MDM1: variants seen among roughly 807,000 people sequenced by gnomAD.
MDM1 encodes the protein stabilizer of axonemal microtubules 6.
A neutral mutation model predicts 89.1 loss-of-function variants in MDM1; 61 were observed. That is an observed-to-expected ratio of 0.68 (90% CI 0.56 to 0.85). MDM1 has a LOEUF of 0.85. Among genes scored for constraint, MDM1 ranks in the 40% least tolerant of loss-of-function variants. The pLI is 0.00. For synonymous variants in MDM1, 290 were observed against 294.1 expected (o/e 0.99, Z 0.14); for missense variants, 820 against 846.5 (o/e 0.97, Z 0.39).
intron 2 of MDM1, among the ~76,000 whole-genome samples, chr12:68,327,698 AG>A (rs1289265337): frequency 3.9e-5 from 6 of 152,170 alleles, no homozygotes; most frequent in African/African-American, 9.7e-5. Flanking sequence ...AGGGTGCAGA[AG>A]GAAGATTAAG....
chr12:68,298,922 C>T (rs1871775966), intron 13 of MDM1, among the ~76,000 whole-genome samples: 1 of 152,134 alleles, frequency 6.6e-6, no homozygotes, highest in South Asian at 2.1e-4. Flanking sequence ...CTCTGCCATT[C>T]CAACCCCACA....
chr12:68,329,636 A>C (rs988375756), intron 2 of MDM1, among the ~76,000 whole-genome samples: 2 of 152,256 alleles, frequency 1.3e-5, no homozygotes. Flanking sequence ...AGGCTAATTC[A>C]TTCATTCAAA....
intron 13 of MDM1, among the ~76,000 whole-genome samples, chr12:68,298,464 G>C (rs1350109449): frequency 2.6e-5 from 4 of 152,100 alleles, no homozygotes; most frequent in Non-Finnish European, 5.9e-5. Flanking sequence ...CTTGGAGAAG[G>C]GGTCTTATTT....
intron 12 of MDM1, among the ~76,000 whole-genome samples, chr12:68,312,187 A>T (rs544287502): frequency 6.6e-6 from 1 of 152,290 alleles, no homozygotes; most frequent in South Asian, 2.1e-4. Flanking sequence ...AGCTATAAAG[A>T]GCCTCAAATC....
At position 68,321,442 on chromosome 12, in the gene MDM1, C is replaced by T. The variant is rs1416079397; in HGVS notation, c.910G>A (p.Val304Met). The T allele has an allele frequency of 6.2e-7, 1 of 1,612,812 alleles. No individual in the cohort carries two copies. The highest frequency in any genetic ancestry group is 1.1e-5 in the South Asian group (1 of 91,010). Residue 304 changes from valine to methionine, a missense_variant, in exon 7 of 15, where the codon GTG becomes ATG. Val to Met is a conservative substitution (Grantham distance 21). Coordinates refer to ENST00000682720, the MANE Select transcript of MDM1 (RefSeq NM_001354969.2). The part of the protein sequence containing the change: ...TPWKHQRLGK[V>M]NSEYRAKFLS... The stretch of plus-strand genomic sequence containing the variant: ...AATTTTGCTCTATATTCGGAATTCA[C>T]CTTCCTAATAGAAATGAAATGAAAG...
intron 14 of MDM1, among the ~76,000 whole-genome samples, chr12:68,295,837 TA>T (rs1351242914): frequency 2.0e-5 from 3 of 152,348 alleles, no homozygotes; most frequent in African/African-American, 7.2e-5. Context: ...TTGATTTTAA[TA>T]TGCTACCCTT....
intron 13 of MDM1, among the ~76,000 whole-genome samples, chr12:68,298,466 GT>G (rs1871706438): frequency 6.6e-6 from 1 of 152,104 alleles, no homozygotes; most frequent in Non-Finnish European, 1.5e-5. Flanking sequence ...TGGAGAAGGG[GT>G]CTTATTTCCC....
intron 9 of MDM1, 124 bp downstream of exon 9, chr12:68,315,954 T>C: frequency 1.4e-6 from 1 of 700,600 alleles, no homozygotes; most frequent in Non-Finnish European, 2.2e-6. Flanking sequence ...ATGAAATAAA[T>C]GGCTGCCACA....
In MDM1 at chr12:68,326,835, ACT is replaced by A; in HGVS notation, c.318_319del (p.Arg106SerfsTer23). The A allele has an allele frequency of 1.2e-6, 2 of 1,613,570 alleles. No individual in the cohort carries two copies. The highest frequency in any genetic ancestry group is 1.7e-6 in the Non-Finnish European group (2 of 1,179,786). On this transcript the variant is annotated frameshift_variant, in exon 3 of 15. Transcript: ENST00000682720. LOFTEE classifies it high-confidence loss of function. ...AACCCTGGAAGCTTCTAGTGAGTGA[ACT>A]CTTTCTTGAGTAACATCCTTTTGTT...
At chr12:68,295,599 C>T (rs887553862) in intron 14 of MDM1, among the ~76,000 whole-genome samples, 7 of 152,216 alleles carry the variant, frequency 4.6e-5, no homozygotes, top group Middle Eastern at 3.4e-3. Flanking sequence ...TAACATTTAT[C>T]GTTAAATTTT....
rs1267210143 is a variant in MDM1 at position 68,302,645 on chromosome 12, A to G, written c.1977T>C (p.Leu659=). ...WHPSRRIQGS[L]RDPEFQHNVG... is the part of the protein sequence containing the mutation. ...CATTGTGCTGAAACTCTGGATCTCT[A>G]AGAGAGCCCTGAATTCGTCGAGAGG... The change falls in exon 13 of 15, where the codon CTT becomes CTC. Residue 659 remains leucine (L), a synonymous_variant. Transcript: ENST00000682720. The G allele has an allele frequency of 2.5e-6, 4 of 1,613,630 alleles. No homozygotes were observed. The African/African-American group carries it at 5.3e-5, about 22-fold the overall frequency.
At chr12:68,296,081 T>C (rs1188168289) in intron 14 of MDM1, among the ~76,000 whole-genome samples, 1 of 152,248 alleles carries the variant, frequency 6.6e-6, no homozygotes, top group Non-Finnish European at 1.5e-5. Flanking sequence ...TTAAATTTAC[T>C]TCCAATTCAA....
Position 68,329,827 on chromosome 12 carries a change from G to A in MDM1, c.133+1280C>T, listed in dbSNP as rs147196966. Among the ~76,000 whole-genome samples the A allele has an allele frequency of 9.9e-4, 150 of 152,242 alleles. 1 individual carries two copies. The highest frequency in any genetic ancestry group is 3.4e-3 in the African/African-American group (141 of 41,512). ...CACCCTCCGGGAAACTCTGGCCCAGGACTCTGCCTTCCCTGGGACACAGGG... is the reference window on the plus strand; with the variant it reads ...CACCCTCCGGGAAACTCTGGCCCAGAACTCTGCCTTCCCTGGGACACAGGG... On this transcript the variant is annotated intron_variant, in intron 2 of 14. Transcript: ENST00000682720.
chr12:68,305,804 G>C (rs114378736), intron 12 of MDM1, among the ~76,000 whole-genome samples: 293 of 151,598 alleles, frequency 1.9e-3, no homozygotes, highest in African/African-American at 6.8e-3. Context: ...AATCGATATT[G>C]TTAAAATTGC....
chr12:68,330,023 T>G (rs1490265238), intron 2 of MDM1, among the ~76,000 whole-genome samples: 7 of 152,200 alleles, frequency 4.6e-5, no homozygotes, highest in African/African-American at 1.7e-4. Flanking sequence ...TTCCCCAGCA[T>G]TGTCCCCTCA....
intron 12 of MDM1, among the ~76,000 whole-genome samples, chr12:68,307,738 G>A (rs1157223117): frequency 6.6e-6 from 1 of 152,056 alleles, no homozygotes; most frequent in Admixed American, 6.6e-5. Flanking sequence ...AGGAGTTCAA[G>A]ACCAGCCTGG....
At position 68,315,334 on chromosome 12, in the gene MDM1, G is replaced by C. The variant is rs923729714; in HGVS notation, c.1212-69C>G. The stretch of plus-strand genomic sequence containing the variant: ...ACTTTTCTAATCAACACCAATTTTA[G>C]TGAGTCCATCATTTCCTTCTACTGT... On this transcript the variant is annotated intron_variant, in intron 9 of 14. Coordinates refer to ENST00000682720, the MANE Select transcript of MDM1 (RefSeq NM_001354969.2). The C allele has an allele frequency of 2.8e-6, 4 of 1,420,878 alleles. No individual in the cohort carries two copies. The African/African-American group carries it at 5.7e-5, about 20-fold the overall frequency. 88.0% of individuals were successfully genotyped at this position (1,420,878 alleles called of 1,614,324 possible).
chr12:68,296,010 A>G (rs539031602), intron 14 of MDM1, among the ~76,000 whole-genome samples: 1 of 152,348 alleles, frequency 6.6e-6, no homozygotes, highest in South Asian at 2.1e-4. Flanking sequence ...AATTATAACA[A>G]AAAGTCCTAA....
chr12:68,295,583 T>C (rs986616065), intron 14 of MDM1, among the ~76,000 whole-genome samples: 1 of 152,222 alleles, frequency 6.6e-6, no homozygotes, highest in African/African-American at 2.4e-5. Context: ...TCAAACCTTT[T>C]AATCTTAACA....
Sources: allele counts gnomAD v4.1 joint callset (sites outside exome capture counted in the v4.1 genomes callset), GRCh38; gene constraint gnomAD v4.1.1; transcripts MANE v1.5; gene names NCBI Gene and HGNC (gene_info 2026-07-23, HGNC 2026-07-21).